The following VSNL1 variants were observed in gnomAD, a reference collection of about 807,000 sequenced individuals.
The protein encoded by VSNL1 is visinin-like protein 1.
In VSNL1, 6 loss-of-function variants were observed where a neutral mutation model predicts 20.4. The observed-to-expected ratio is 0.29, with a 90% confidence interval of 0.16 to 0.58. VSNL1 has a LOEUF of 0.58. VSNL1 is among the 20% of genes least tolerant of loss of function. The pLI is 0.90. For missense variants in VSNL1, 100 were observed against 234.5 expected (o/e 0.43, Z 3.75); for synonymous variants, 93 against 86.4 (o/e 1.08, Z -0.42).
chr2:17,575,497 G>A (rs566988331), intron 1 of VSNL1, among the ~76,000 whole-genome samples: 6 of 151,816 alleles, frequency 4.0e-5, no homozygotes, highest in Non-Finnish European at 7.4e-5. Context: ...ACCTTATATA[G>A]GGAAAATTAA....
At chr2:17,604,656 A>G (rs1664903388) in intron 2 of VSNL1, among the ~76,000 whole-genome samples, 1 of 152,250 alleles carries the variant, frequency 6.6e-6, no homozygotes, top group East Asian at 1.9e-4. Context: ...CTGGGGTCAG[A>G]TCCCCAATAT....
intron 1 of VSNL1, among the ~76,000 whole-genome samples, chr2:17,566,581 C>T (rs1020686409): frequency 5.3e-5 from 8 of 152,066 alleles, no homozygotes; most frequent in African/African-American, 1.7e-4. Context: ...TCTTATCCAT[C>T]ATTTGGAATT....
chr2:17,645,335 ACTT>A (rs1282225995), intron 2 of VSNL1, among the ~76,000 whole-genome samples: 3 of 152,238 alleles, frequency 2.0e-5, no homozygotes, highest in Admixed American at 6.5e-5. Flanking sequence ...GGGCTGGAGA[ACTT>A]CTTGGGGAGC....
At chr2:17,589,391 G>A (rs889103287) in intron 1 of VSNL1, among the ~76,000 whole-genome samples, 1 of 152,224 alleles carries the variant, frequency 6.6e-6, no homozygotes, top group Admixed American at 6.5e-5. Context: ...AGATCAATGA[G>A]GTTTGTATTC....
intron 2 of VSNL1, among the ~76,000 whole-genome samples, chr2:17,646,851 T>G (rs180750806): frequency 2.8e-4 from 43 of 152,308 alleles, no homozygotes; most frequent in African/African-American, 8.9e-4. Context: ...GAATTCTTCC[T>G]AAGAAATTGA....
At chr2:17,641,877 C>T (rs963505096) in intron 2 of VSNL1, among the ~76,000 whole-genome samples, 5 of 152,232 alleles carry the variant, frequency 3.3e-5, no homozygotes, top group African/African-American at 9.6e-5. Flanking sequence ...GAAGTTTGAT[C>T]CTGTAATTAG....
intron 1 of VSNL1, among the ~76,000 whole-genome samples, chr2:17,560,126 T>G (rs540719507): frequency 1.3e-4 from 20 of 151,570 alleles, no homozygotes; most frequent in Non-Finnish European, 2.4e-4. Context: ...GACAAAGTGC[T>G]TATATGTAAC....
intron 2 of VSNL1, among the ~76,000 whole-genome samples, chr2:17,596,276 C>T (rs192222040): frequency 2.4e-4 from 37 of 152,332 alleles, no homozygotes; most frequent in African/African-American, 8.7e-4. Context: ...GTTTCATCAT[C>T]CCCACCACAG....
rs929235330 is a variant in VSNL1 at position 17,540,890 on chromosome 2, G to A, written c.-34G>A. 4 of 152,380 alleles carry A rather than the reference G, an allele frequency of 2.6e-5. No individual in the cohort carries two copies. Among genetic ancestry groups the A allele is most frequent in the Non-Finnish European group, 4.4e-5 (3 of 68,046 alleles). The allele number at this position is 152,380 out of a possible 1,614,324, so 9.4% of individuals were successfully genotyped here. A position where few individuals can be genotyped will look rare whatever the true frequency, so the allele number is the denominator to read the frequency against. ...AGAACTGTTGAGTTTTATCATTTTC[G>A]TTAAGTGACCGTGCGCAGCGCTGTA... On this transcript the variant is annotated 5_prime_UTR_variant, in exon 1 of 4. Transcript: ENST00000295156.
rs572687077 is a variant in VSNL1 at position 17,617,928 on chromosome 2, C to T, written c.162+25692C>T. ...ACACACACCCCACCTTACACTTTTT[C>T]CTCTACCTTTCTCCAGGGAAGAATA... On this transcript the variant is annotated intron_variant, in intron 2 of 3. Coordinates refer to ENST00000295156, the MANE Select transcript of VSNL1 (RefSeq NM_003385.5). Among the ~76,000 whole-genome samples the T allele has an allele frequency of 7.9e-5, 12 of 152,214 alleles. No individual in the cohort carries two copies. The East Asian group carries it at 1.9e-3, about 24-fold the overall frequency.
At chr2:17,652,633 T>C (rs1390593282) in intron 3 of VSNL1, among the ~76,000 whole-genome samples, 3 of 152,238 alleles carry the variant, frequency 2.0e-5, no homozygotes, top group Non-Finnish European at 4.4e-5. Context: ...CCAAGGTATT[T>C]AGCAAGCTCT....
chr2:17,604,814 T>C (rs1558297208), intron 2 of VSNL1, among the ~76,000 whole-genome samples: 2 of 152,234 alleles, frequency 1.3e-5, no homozygotes, highest in African/African-American at 4.8e-5. Context: ...TGTTTGTTCA[T>C]TTGGGTGGTT....
intron 1 of VSNL1, among the ~76,000 whole-genome samples, chr2:17,546,546 A>C (rs536728996): frequency 8.5e-5 from 13 of 152,058 alleles, no homozygotes; most frequent in Non-Finnish European, 1.3e-4. Flanking sequence ...AGAGTTCTTG[A>C]AATAGTAAAC....
chr2:17,598,734 TA>T (rs1664763986), intron 2 of VSNL1, among the ~76,000 whole-genome samples: 1 of 152,208 alleles, frequency 6.6e-6, no homozygotes, highest in Admixed American at 6.5e-5. Flanking sequence ...TAAGAGTCAC[TA>T]AAAGTGTTTC....
At chr2:17,606,684 T>C (rs1664952900) in intron 2 of VSNL1, among the ~76,000 whole-genome samples, 2 of 152,116 alleles carry the variant, frequency 1.3e-5, no homozygotes, top group African/African-American at 4.8e-5. Context: ...GAGAGGGGGC[T>C]TGATTAAATG....
intron 2 of VSNL1, among the ~76,000 whole-genome samples, chr2:17,610,333 G>C (rs1665054044): frequency 6.6e-6 from 1 of 152,162 alleles, no homozygotes; most frequent in Non-Finnish European, 1.5e-5. Flanking sequence ...AGTCCACCAA[G>C]TGGACTGGCA....
chr2:17,542,426 G>A (rs879294714), intron 1 of VSNL1, among the ~76,000 whole-genome samples: 1 of 152,174 alleles, frequency 6.6e-6, no homozygotes, highest in Non-Finnish European at 1.5e-5. Flanking sequence ...GGGATGAAAT[G>A]AAATAAATTT....
At chr2:17,549,408 A>G (rs1441035122) in intron 1 of VSNL1, among the ~76,000 whole-genome samples, 1 of 152,208 alleles carries the variant, frequency 6.6e-6, no homozygotes, top group Non-Finnish European at 1.5e-5. Context: ...ACACACATAC[A>G]TGATATATAC....
intron 2 of VSNL1, among the ~76,000 whole-genome samples, chr2:17,616,160 C>T (rs1225985127): frequency 6.6e-6 from 1 of 152,218 alleles, no homozygotes; most frequent in African/African-American, 2.4e-5. Flanking sequence ...GCTCACAGTC[C>T]CCAGACATTC....
Sources: allele counts gnomAD v4.1 joint callset (sites outside exome capture counted in the v4.1 genomes callset), GRCh38; gene constraint gnomAD v4.1.1; transcripts MANE v1.5; gene names NCBI Gene and HGNC (gene_info 2026-07-23, HGNC 2026-07-21).